CFAP46: variants seen among roughly 807,000 people sequenced by gnomAD.
The protein encoded by CFAP46 is cilia and flagella associated protein 46, also known as cilia- and flagella-associated protein 46.
CFAP46 carries 245 observed loss-of-function variants against 325.7 expected under a neutral mutation model. That is an observed-to-expected ratio of 0.75 (90% CI 0.68 to 0.84). The LOEUF (loss-of-function observed/expected upper bound fraction) is 0.84, where lower values mean the gene tolerates loss of function less well. CFAP46 is among the 40% of genes least tolerant of loss of function. The pLI is 0.00. For missense variants in CFAP46, 3,346 were observed against 3,543.0 expected (o/e 0.94, Z 1.41); for synonymous variants, 1,523 against 1,495.9 (o/e 1.02, Z -0.42).
chr10:132,843,550 G>T (rs1353542491), intron 44 of CFAP46, among the ~76,000 whole-genome samples: 1 of 148,254 alleles, frequency 6.7e-6, no homozygotes, highest in Non-Finnish European at 1.5e-5. Flanking sequence ...TCTGGTCTCG[G>T]TGGGTGTTCC....
At chr10:132,810,740 C>G in intron 56 of CFAP46, 2 of 725,176 alleles carry the variant, frequency 2.8e-6, no homozygotes, top group South Asian at 3.0e-5. Flanking sequence ...ACCCGGCTCC[C>G]GTGGGCTGGT....
intron 4 of CFAP46, 84 bp downstream of exon 4, chr10:132,940,912 C>A: frequency 7.3e-7 from 1 of 1,368,382 alleles, no homozygotes; most frequent in Non-Finnish European, 1.0e-6. Context: ...CCCCACAGTT[C>A]AAATAAATAC....
chr10:132,908,247 G>C, intron 22 of CFAP46: 1 of 580,946 alleles, frequency 1.7e-6, no homozygotes, highest in South Asian at 2.0e-5. Flanking sequence ...CCTGCTCCCT[G>C]ATCTGTGATC....
chr10:132,885,814 C>T lies in CFAP46; in HGVS notation c.3443+7G>A. ...GAGCACTCACAGGCGGTGGGGGGAG[C>T]ACTCACAGGCGGTGGGCCGTCCTTG... On this transcript the variant is annotated splice_region_variant and intron_variant, in intron 26 of 57. Transcript: ENST00000368586. 1.3e-6 allele frequency: 2 copies of T among 1,546,704 alleles called. No homozygotes were observed. Among genetic ancestry groups the T allele is most frequent in the South Asian group, 1.2e-5 (1 of 83,906 alleles).
chr10:132,812,855 G>A lies in CFAP46; in HGVS notation c.7431C>T (p.Phe2477=), dbSNP rs532988808. Residue 2477 remains phenylalanine, a synonymous_variant, in exon 55 of 58, where the codon TTC becomes TTT. Coordinates refer to ENST00000368586, the MANE Select transcript of CFAP46 (RefSeq NM_001200049.3). ...WEQALGSCSG[F]FFYGMESFLS... ...GGAAGCTCTCCATTCCATAGAAGAA[G>A]AAACCGCTGCAGCTGCCCAGGGCCT... 8 of 1,611,276 alleles carry A rather than the reference G, an allele frequency of 5.0e-6. No individual in the cohort carries two copies. The highest frequency in any genetic ancestry group is 6.8e-6 in the Non-Finnish European group (8 of 1,179,836).
At chr10:132,892,518 T>C in intron 24 of CFAP46, 101 bp from the exon 25 acceptor site, 1 of 1,060,292 alleles carries the variant, frequency 9.4e-7, no homozygotes, top group Admixed American at 2.3e-5. Flanking sequence ...GTTCCTCTCC[T>C]TAAACTGCTT....
intron 50 of CFAP46, among the ~76,000 whole-genome samples, chr10:132,824,580 G>C (rs1271975491): frequency 1.6e-5 from 2 of 126,340 alleles, no homozygotes; most frequent in African/African-American, 3.3e-5. Flanking sequence ...GCTGTGTGCT[G>C]TGTGAGTGCT....
intron 39 of CFAP46, among the ~76,000 whole-genome samples, chr10:132,853,951 G>T (rs370484075): frequency 2.8e-4 from 43 of 152,162 alleles, no homozygotes; most frequent in African/African-American, 8.9e-4. Context: ...TCTTTTCAAA[G>T]AACTAGCTTT....
In CFAP46 at chr10:132,879,531, C is replaced by G. The variant is rs115937902; in HGVS notation, c.3900G>C (p.Ala1300=). 2 of 1,547,228 alleles carry G rather than the reference C, an allele frequency of 1.3e-6. No homozygotes were observed. The highest frequency in any genetic ancestry group is 1.2e-5 in the South Asian group (1 of 83,892). The part of the protein sequence containing the change: ...EQLRSVRQLE[A]LARVHILLAL... ...CCAGCAGGATGTGCACGCGGGCCAG[C>G]GCCTCCAGCTGCCGCACGCTACGCA... is the stretch of plus-strand genomic sequence containing the variant. Residue 1300 remains alanine (A), a synonymous_variant, in exon 29 of 58, where the codon GCG becomes GCC. Coordinates refer to ENST00000368586, the MANE Select transcript of CFAP46 (RefSeq NM_001200049.3).
At chr10:132,824,338 C>CTGA (rs1847982218) in intron 50 of CFAP46, among the ~76,000 whole-genome samples, 2 of 106,258 alleles carry the variant, frequency 1.9e-5, no homozygotes, top group Admixed American at 1.1e-4. Context: ...TGTGTGTGTG[C>CTGA]TGTGTGCTGT....
chr10:132,862,804 A>T (rs1591060578), intron 35 of CFAP46, among the ~76,000 whole-genome samples: 4 of 35,278 alleles, frequency 1.1e-4, no homozygotes, highest in Admixed American at 1.0e-3. Context: ...GAGAGGCTGG[A>T]GGGGGACGGG....
At position 132,915,644 on chromosome 10, in the gene CFAP46, C is replaced by T. The variant is rs568607245; in HGVS notation, c.2120+905G>A. Reference sequence around the variant, plus strand: ...CGAGGGACCGGCGAGGGCGGGGTGCCGTGCCCAGCTTCTGATGCATGGATA... The same window carrying T: ...CGAGGGACCGGCGAGGGCGGGGTGCTGTGCCCAGCTTCTGATGCATGGATA... On this transcript the variant is annotated intron_variant, in intron 17 of 57. Coordinates refer to ENST00000368586, the MANE Select transcript of CFAP46 (RefSeq NM_001200049.3). 5.3e-5 allele frequency among the ~76,000 whole-genome samples: 8 copies of T among 152,258 alleles called. No individual in the cohort carries two copies. In the East Asian group the frequency reaches 5.8e-4, roughly 11 times the overall value.
intron 25 of CFAP46, among the ~76,000 whole-genome samples, chr10:132,887,619 C>T (rs1849173118): frequency 1.7e-5 from 1 of 59,586 alleles, no homozygotes; most frequent in African/African-American, 6.2e-5. Context: ...CTCCTCTCTC[C>T]TCTTCTCTCC....
At chr10:132,848,559 G>C (rs890023051) in intron 41 of CFAP46, among the ~76,000 whole-genome samples, 3 of 152,040 alleles carry the variant, frequency 2.0e-5, no homozygotes, top group African/African-American at 7.2e-5. Context: ...TTGTGGGAGG[G>C]GGTGGGGGCT....
chr10:132,869,787 G>A lies in CFAP46; in HGVS notation c.4512-415C>T, dbSNP rs563734758. The stretch of plus-strand genomic sequence containing the variant: ...AAGCATCCCTGTGCGGGCCCCGGTG[G>A]TCCCTCTTAGCCCCGTGACCACGCC... On this transcript the variant is annotated intron_variant, in intron 32 of 57. Coordinates refer to ENST00000368586, the MANE Select transcript of CFAP46 (RefSeq NM_001200049.3). The surrounding 1 kb of genome is among the most constrained non-coding windows in gnomAD (Gnocchi z 6.2). 4.9e-4 allele frequency among the ~76,000 whole-genome samples: 74 copies of A among 152,198 alleles called. 1 individual carries two copies. Among genetic ancestry groups the A allele is most frequent in the Non-Finnish European group, 5.3e-4 (36 of 68,006 alleles).
At chr10:132,849,381 G>A (rs1477680134) in intron 41 of CFAP46, among the ~76,000 whole-genome samples, 1 of 152,222 alleles carries the variant, frequency 6.6e-6, no homozygotes, top group Non-Finnish European at 1.5e-5. Context: ...GCACCTGGTG[G>A]GGGGATTGCC....
intron 33 of CFAP46, among the ~76,000 whole-genome samples, chr10:132,867,720 T>C (rs1165794281): frequency 6.6e-6 from 1 of 152,212 alleles, no homozygotes; most frequent in African/African-American, 2.4e-5. Context: ...TCCAAGGTCA[T>C]GTCCAGCTGC....
chr10:132,923,951 G>A (rs1478164500), intron 11 of CFAP46, among the ~76,000 whole-genome samples: 1 of 152,162 alleles, frequency 6.6e-6, no homozygotes, highest in East Asian at 1.9e-4. Flanking sequence ...GAGCCCCAGA[G>A]AAGGTGGGAA....
At chr10:132,850,207 T>C in intron 41 of CFAP46, 37 bp downstream of exon 41, 1 of 1,546,624 alleles carries the variant, frequency 6.5e-7, no homozygotes, top group Non-Finnish European at 8.7e-7. Context: ...GTGACTGGTG[T>C]TGGAGCCAGA....
Sources: allele counts gnomAD v4.1 joint callset (sites outside exome capture counted in the v4.1 genomes callset), GRCh38; gene constraint gnomAD v4.1.1; non-coding constraint Gnocchi (gnomAD v3.1); transcripts MANE v1.5; gene names NCBI Gene and HGNC (gene_info 2026-07-23, HGNC 2026-07-21).